The following ARHGAP10 variants were observed in gnomAD, a reference collection of about 807,000 sequenced individuals.
The protein encoded by ARHGAP10 is Rho GTPase activating protein 10.
In ARHGAP10, 87 loss-of-function variants were observed where a neutral mutation model predicts 108.6. The ratio of observed to expected loss-of-function variants is 0.80; its 90% CI spans 0.67 to 0.96. The LOEUF (loss-of-function observed/expected upper bound fraction) is 0.96. ARHGAP10 is among the 40% of genes least tolerant of loss of function. ARHGAP10 has a pLI of 0.00. For missense variants in ARHGAP10, 939 were observed against 954.5 expected, an observed-to-expected ratio of 0.98 and a Z score of 0.21; for synonymous variants, 347 against 341.1, an observed-to-expected ratio of 1.02 and a Z score of -0.19.
intron 8 of ARHGAP10, among the ~76,000 whole-genome samples, chr4:147,875,881 T>C (rs1340668379): frequency 1.3e-5 from 2 of 152,248 alleles, no homozygotes; most frequent in Non-Finnish European, 2.9e-5. Flanking sequence ...GCTAAGTTCT[T>C]AACGTTTACT....
intron 3 of ARHGAP10, among the ~76,000 whole-genome samples, chr4:147,837,889 C>A (rs187791192): frequency 3.2e-4 from 49 of 152,006 alleles, no homozygotes; most frequent in Non-Finnish European, 5.9e-5. Flanking sequence ...GATTGTAAGA[C>A]AACATTATTT....
intron 7 of ARHGAP10, among the ~76,000 whole-genome samples, chr4:147,870,404 C>T (rs1218587315): frequency 6.6e-6 from 1 of 152,118 alleles, no homozygotes; most frequent in African/African-American, 2.4e-5. Context: ...TTAACTGCCT[C>T]TGCATTATAA....
chr4:147,876,595 A>T (rs1230994678), intron 8 of ARHGAP10, among the ~76,000 whole-genome samples: 2 of 152,186 alleles, frequency 1.3e-5, no homozygotes, highest in Admixed American at 1.3e-4. Context: ...TCTGTCTCAA[A>T]AAAAGGAAAA....
intron 1 of ARHGAP10, among the ~76,000 whole-genome samples, chr4:147,801,756 G>GTCA (rs1731591527): frequency 6.6e-6 from 1 of 152,168 alleles, no homozygotes; most frequent in Admixed American, 6.5e-5. Flanking sequence ...TTTTCATCAG[G>GTCA]TCATCGCTGT....
At position 147,951,835 on chromosome 4, in the gene ARHGAP10, C is replaced by T. The variant is rs147433754; in HGVS notation, c.1392-3481C>T. 1.1e-3 allele frequency among the ~76,000 whole-genome samples: 160 copies of T among 152,178 alleles called. No homozygotes were observed. The Middle Eastern group carries it at 0.014, about 13-fold the overall frequency. On this transcript the variant is annotated intron_variant, in intron 15 of 22. Coordinates refer to ENST00000336498, the MANE Select transcript of ARHGAP10 (RefSeq NM_024605.4). The stretch of plus-strand genomic sequence containing the variant: ...CTGCATATATTTATAGTGTAAGTTT[C>T]GGTAAGTTTGATATATGTATACCTC...
At chr4:147,933,153 G>A (rs112184235) in intron 13 of ARHGAP10, among the ~76,000 whole-genome samples, 53 of 152,086 alleles carry the variant, frequency 3.5e-4, no homozygotes, top group African/African-American at 1.2e-3. Flanking sequence ...ATCACTTTAG[G>A]GTTGGTCTCT....
intron 20 of ARHGAP10, among the ~76,000 whole-genome samples, chr4:148,058,216 C>A (rs889645655): frequency 6.6e-6 from 1 of 152,184 alleles, no homozygotes; most frequent in Non-Finnish European, 1.5e-5. Flanking sequence ...CCCAGACTGG[C>A]ATGAAAGATC....
chr4:147,945,503 A>G (rs1738341862), intron 14 of ARHGAP10, among the ~76,000 whole-genome samples: 1 of 152,192 alleles, frequency 6.6e-6, no homozygotes, highest in South Asian at 2.1e-4. Flanking sequence ...CTTCCAATAA[A>G]TATTTCCCGG....
At chr4:147,732,570 A>G in intron 1 of ARHGAP10, 115 bp downstream of exon 1, 2 of 1,440,574 alleles carry the variant, frequency 1.4e-6, no homozygotes, top group Non-Finnish European at 1.9e-6. Flanking sequence ...AGGAACGGGG[A>G]ATTCATTCCG....
At chr4:147,921,686 G>T (rs1198003905) in intron 13 of ARHGAP10, among the ~76,000 whole-genome samples, 1 of 152,116 alleles carries the variant, frequency 6.6e-6, no homozygotes, top group Non-Finnish European at 1.5e-5. Flanking sequence ...AATTTCAAAT[G>T]TGTTTTAGGT....
intron 18 of ARHGAP10, among the ~76,000 whole-genome samples, chr4:147,992,291 G>A (rs1470141507): frequency 6.6e-6 from 1 of 152,080 alleles, no homozygotes; most frequent in African/African-American, 2.4e-5. Context: ...CTGCTCTCTC[G>A]TCTACATCTG....
At chr4:147,787,197 G>A (rs1482555319) in intron 1 of ARHGAP10, among the ~76,000 whole-genome samples, 4 of 152,174 alleles carry the variant, frequency 2.6e-5, no homozygotes, top group Admixed American at 2.6e-4. Flanking sequence ...GGTATTTTCA[G>A]TGGGAGGATC....
At chr4:147,922,687 CAAA>C (rs34169210) in intron 13 of ARHGAP10, among the ~76,000 whole-genome samples, 19 of 99,210 alleles carry the variant, frequency 1.9e-4, no homozygotes, top group Non-Finnish European at 2.1e-4. Flanking sequence ...GACTCCGTCT[CAAA>C]AAAAAAAAAA....
intron 1 of ARHGAP10, among the ~76,000 whole-genome samples, chr4:147,732,940 T>G (rs1030465845): frequency 5.9e-5 from 9 of 152,214 alleles, no homozygotes; most frequent in Non-Finnish European, 1.3e-4. Context: ...AGAGTCCCCT[T>G]AAGCTTCACC....
chr4:147,942,039 T>C lies in ARHGAP10; in HGVS notation c.1303+2140T>C, dbSNP rs544861041. ...CTACATAATCTTAGGGGCATTTTTT[T>C]CTCCAACTTTTCCCATTTTGCTCAT... On this transcript the variant is annotated intron_variant, in intron 14 of 22. Transcript: ENST00000336498. Among the ~76,000 whole-genome samples the C allele has an allele frequency of 2.4e-4, 36 of 152,306 alleles. 1 individual carries two copies. In the South Asian group the frequency reaches 6.6e-3, roughly 28 times the overall value.
At chr4:148,024,835 T>C (rs1421614027) in intron 19 of ARHGAP10, among the ~76,000 whole-genome samples, 1 of 152,166 alleles carries the variant, frequency 6.6e-6, no homozygotes, top group Non-Finnish European at 1.5e-5. Flanking sequence ...ACTTGTCCTC[T>C]GATGGAAGTG....
chr4:147,819,217 C>T (rs1198927122), intron 1 of ARHGAP10, among the ~76,000 whole-genome samples: 2 of 152,174 alleles, frequency 1.3e-5, no homozygotes, highest in Admixed American at 1.3e-4. Context: ...AAATAACCTG[C>T]AGCCTTTGAT....
intron 10 of ARHGAP10, among the ~76,000 whole-genome samples, chr4:147,893,613 CTATATA>C (rs1184210850): frequency 6.8e-6 from 1 of 147,014 alleles, no homozygotes; most frequent in African/African-American, 2.5e-5. Flanking sequence ...ATATATAGAA[CTATATA>C]TATATATTTC....
chr4:147,955,735 T>C (rs1645344099), intron 16 of ARHGAP10, among the ~76,000 whole-genome samples: 1 of 152,102 alleles, frequency 6.6e-6, no homozygotes, highest in South Asian at 2.1e-4. Context: ...AAGTATTTAA[T>C]TTGCGAAAGG....
Sources: allele counts gnomAD v4.1 joint callset (sites outside exome capture counted in the v4.1 genomes callset), GRCh38; gene constraint gnomAD v4.1.1; transcripts MANE v1.5; gene names NCBI Gene and HGNC (gene_info 2026-07-23, HGNC 2026-07-21).